The following SLC6A3 variants were observed in gnomAD, a reference collection of about 807,000 sequenced individuals.
SLC6A3 encodes the protein sodium-dependent dopamine transporter.
In SLC6A3, 19 loss-of-function variants were observed where a neutral mutation model predicts 70.4. That is an observed-to-expected ratio of 0.27 (90% CI 0.19 to 0.40). The LOEUF (loss-of-function observed/expected upper bound fraction) is 0.40. SLC6A3 is among the 10% of genes least tolerant of loss of function. The pLI is 1.00. For missense variants in SLC6A3, 613 were observed against 838.5 expected (o/e 0.73, Z 3.32); for synonymous variants, 368 against 356.6 (o/e 1.03, Z -0.36).
chr5:1,414,915 G>A (rs772143996), intron 7 of SLC6A3, 100 bp from the exon 8 acceptor site: 620 of 1,519,200 alleles, frequency 4.1e-4, no homozygotes, highest in Middle Eastern at 5.2e-4. Flanking sequence ...GGAAGGGGGC[G>A]GGAGGTCTTC....
chr5:1,425,881 G>A (rs1182531441), intron 4 of SLC6A3, among the ~76,000 whole-genome samples: 1 of 152,114 alleles, frequency 6.6e-6, no homozygotes, highest in Non-Finnish European at 1.5e-5. Context: ...CTCCAAAGAT[G>A]GTATACAAAT....
rs1756221322 is a variant in SLC6A3, at chr5:1,414,491, T to TGGGTGGGGGGGCCGGGAGGGG, written c.1156+199_1156+200insCCCCTCCCGGCCCCCCCACCC. 2.4e-4 allele frequency among the ~76,000 whole-genome samples: 7 copies of TGGGTGGGGGGGCCGGGAGGGG among 28,858 alleles called. 2 individuals carry two copies. Among genetic ancestry groups the TGGGTGGGGGGGCCGGGAGGGG allele is most frequent in the Non-Finnish European group, 3.9e-4 (6 of 15,320 alleles). The allele number at this position is 28,858 out of a possible 152,430, so 18.9% of individuals were successfully genotyped here. ...GGCGCTGGGTGGGGGGCCTGGAGGG[T>TGGGTGGGGGGGCCGGGAGGGG]CAGGGCGGGGAAGGCGCTGGGTGGG... On this transcript the variant is annotated intron_variant, in intron 8 of 14. Transcript: ENST00000270349.
intron 11 of SLC6A3, among the ~76,000 whole-genome samples, chr5:1,407,732 G>T (rs1337756916): frequency 6.6e-6 from 1 of 152,224 alleles, no homozygotes; most frequent in Admixed American, 6.5e-5. Context: ...AGATGACAAT[G>T]AAAGTGATAG....
rs1191606519 is a variant in SLC6A3 at position 1,408,320 on chromosome 5, G to C, written c.1498+706C>G. ...GCCTCCCAAAGTGCTGGGATTACAG[G>C]CGTGAGTCACCGCGCCCGGACCACA... On this transcript the variant is annotated intron_variant, in intron 11 of 14. Transcript: ENST00000270349. This position sits in a 1 kb window ranked among gnomAD's most constrained non-coding sequence, Gnocchi z 6.4. Among the ~76,000 whole-genome samples the C allele has an allele frequency of 6.6e-6, 1 of 151,748 alleles. No homozygotes were observed. Among genetic ancestry groups the C allele is most frequent in the African/African-American group, 2.4e-5 (1 of 41,262 alleles).
Position 1,438,037 on chromosome 5 carries a change from A to G in SLC6A3, c.418+3322T>C, listed in dbSNP as rs1218500134. Among the ~76,000 whole-genome samples the G allele has an allele frequency of 6.6e-6, 1 of 152,248 alleles. No homozygotes were observed. The highest frequency in any genetic ancestry group is 6.5e-5 in the Admixed American group (1 of 15,294). On this transcript the variant is annotated intron_variant, in intron 3 of 14. Coordinates refer to ENST00000270349, the MANE Select transcript of SLC6A3 (RefSeq NM_001044.5). This position sits in a 1 kb window ranked among gnomAD's most constrained non-coding sequence, Gnocchi z 6.5. ...TCTAAACTGGCATCCTGCGCTTGAC[A>G]GGTAGGCAGAACAAACGGGACGCTG... is the stretch of plus-strand genomic sequence containing the variant.
At position 1,409,915 on chromosome 5, in the gene SLC6A3, C is replaced by T. The variant is rs1294759541; in HGVS notation, c.1270-66G>A. 4.4e-6 allele frequency: 7 copies of T among 1,602,692 alleles called. No individual in the cohort carries two copies. The Admixed American group carries it at 5.0e-5, about 11-fold the overall frequency. ...CTCCTGACCGCAGCCTGGGCCAAGACCTACTTGTCACCCAGTGGACGCACA... is the reference window on the plus strand; with the variant it reads ...CTCCTGACCGCAGCCTGGGCCAAGATCTACTTGTCACCCAGTGGACGCACA... On this transcript the variant is annotated intron_variant, in intron 9 of 14. Transcript: ENST00000270349.
At chr5:1,420,413 G>A (rs1363769782) in intron 6 of SLC6A3, among the ~76,000 whole-genome samples, 156 bp downstream of exon 6, 1 of 152,216 alleles carries the variant, frequency 6.6e-6, no homozygotes, top group Non-Finnish European at 1.5e-5. Flanking sequence ...TAGATGACTC[G>A]TGCTGTATCA....
Position 1,409,139 on chromosome 5 carries a change from G to A in SLC6A3, c.1399-14C>T. On this transcript the variant is annotated splice_polypyrimidine_tract_variant and intron_variant, in intron 10 of 14. Transcript: ENST00000270349. ...GTAGATGCCACCCTGGAAGAGAGGG[G>A]AGCCTGTGGACCTACAGAAGGGCTT... 6.3e-7 allele frequency: 1 copy of A among 1,584,426 alleles called. No individual in the cohort carries two copies. Among genetic ancestry groups the A allele is most frequent in the Non-Finnish European group, 8.6e-7 (1 of 1,160,306 alleles).
In SLC6A3 at chr5:1,441,704, T is replaced by C. The variant is rs1168865047; in HGVS notation, c.287-214A>G. 1.6e-3 allele frequency among the ~76,000 whole-genome samples: 246 copies of C among 152,282 alleles called. 1 individual carries two copies. Among genetic ancestry groups the C allele is most frequent in the African/African-American group, 5.7e-3 (237 of 41,582 alleles). ...GACACGTCCCTCCTGGATCCCCTTG[T>C]CATTGCGCACCTCGAGCCATGAAGT... On this transcript the variant is annotated intron_variant, in intron 2 of 14. Transcript: ENST00000270349.
chr5:1,437,875 C>T lies in SLC6A3; in HGVS notation c.418+3484G>A, dbSNP rs142199704. On this transcript the variant is annotated intron_variant, in intron 3 of 14. Coordinates refer to ENST00000270349, the MANE Select transcript of SLC6A3 (RefSeq NM_001044.5). This position sits in a 1 kb window ranked among gnomAD's most constrained non-coding sequence, Gnocchi z 4.8. Reference sequence around the variant, plus strand: ...CTTTAGCTGATGTCTTAATTTACCACGTGGCACTTCTATTCAATGAGACAT... The same window carrying T: ...CTTTAGCTGATGTCTTAATTTACCATGTGGCACTTCTATTCAATGAGACAT... Among the ~76,000 whole-genome samples the T allele has an allele frequency of 2.0e-5, 3 of 152,198 alleles. No individual in the cohort carries two copies. Among genetic ancestry groups the T allele is most frequent in the Admixed American group, 2.0e-4 (3 of 15,288 alleles).
At chr5:1,429,335 A>C (rs1383486070) in intron 4 of SLC6A3, among the ~76,000 whole-genome samples, 2 of 152,144 alleles carry the variant, frequency 1.3e-5, no homozygotes, top group Non-Finnish European at 2.9e-5. Flanking sequence ...AATTGATCTT[A>C]AACCTTCTCC....
Position 1,421,862 on chromosome 5 carries a change from C to A in SLC6A3, c.792+14G>T. ...CCATGTCTACAGGCCCAATTGGTGA[C>A]CCCCGAGCCTCACCTTCCCTGAGGT... is the stretch of plus-strand genomic sequence containing the variant. On this transcript the variant is annotated intron_variant, in intron 5 of 14. Transcript: ENST00000270349. The surrounding 1 kb of genome is among the most constrained non-coding windows in gnomAD (Gnocchi z 7.2). 2 of 1,612,826 alleles carry A rather than the reference C, an allele frequency of 1.2e-6. No individual in the cohort carries two copies. Among genetic ancestry groups the A allele is most frequent in the Non-Finnish European group, 1.7e-6 (2 of 1,179,782 alleles).
In SLC6A3 at chr5:1,393,594, ATGCGTCCTGGGG is replaced by A. The variant is rs1288351237; in HGVS notation, c.*1129_*1140del. 26 of 153,940 alleles carry A rather than the reference ATGCGTCCTGGGG, an allele frequency of 1.7e-4. No individual in the cohort carries two copies. The highest frequency in any genetic ancestry group is 6.0e-4 in the African/African-American group (25 of 41,428). The allele number at this position is 153,940 out of a possible 1,614,324, so 9.5% of individuals were successfully genotyped here. ...CAGGCTGCCTGCATGGGGGCCCTGCATGCGTCCTGGGGTAGTACACGCTCCTGTGGGGGCCCT... is the reference window on the plus strand; with the variant it reads ...CAGGCTGCCTGCATGGGGGCCCTGCATAGTACACGCTCCTGTGGGGGCCCT... On this transcript the variant is annotated 3_prime_UTR_variant, in exon 15 of 15. Transcript: ENST00000270349.
In SLC6A3 at chr5:1,405,553, T is replaced by A. The variant is rs1755951934; in HGVS notation, c.1599+635A>T. Among the ~76,000 whole-genome samples the A allele has an allele frequency of 6.6e-6, 1 of 152,258 alleles. No individual in the cohort carries two copies. The highest frequency in any genetic ancestry group is 2.4e-5 in the African/African-American group (1 of 41,472). ...CCCAGATCAGGCAGCACAGCTTTGC[T>A]TTGTGAGCCTCCAGGCCTCTGTGGT... On this transcript the variant is annotated intron_variant, in intron 12 of 14. Transcript: ENST00000270349. This position sits in a 1 kb window ranked among gnomAD's most constrained non-coding sequence, Gnocchi z 5.3.
intron 4 of SLC6A3, among the ~76,000 whole-genome samples, chr5:1,431,950 G>A (rs1756715928): frequency 1.3e-5 from 2 of 152,218 alleles, no homozygotes; most frequent in South Asian, 2.1e-4. Flanking sequence ...CTGGAGACAG[G>A]GGCTGCCTAC....
intron 8 of SLC6A3, among the ~76,000 whole-genome samples, chr5:1,412,227 C>A (rs1316459949): frequency 1.3e-5 from 2 of 152,238 alleles, no homozygotes; most frequent in Non-Finnish European, 2.9e-5. Context: ...CGGGTCCCTG[C>A]GAGTGAAGCT....
At position 1,442,287 on chromosome 5, in the gene SLC6A3, C is replaced by T. The variant is rs1238414560; in HGVS notation, c.286+625G>A. On this transcript the variant is annotated intron_variant, in intron 2 of 14. Transcript: ENST00000270349. This position sits in a 1 kb window ranked among gnomAD's most constrained non-coding sequence, Gnocchi z 5.0. ...TCCTCGCAGGCATCCTGTGAGGCTTCCCCCCAGATTCTTCCCCAGGCCTCC... is the reference window on the plus strand; with the variant it reads ...TCCTCGCAGGCATCCTGTGAGGCTTTCCCCCAGATTCTTCCCCAGGCCTCC... Among the ~76,000 whole-genome samples, 1 of 152,154 alleles carries T rather than the reference C, an allele frequency of 6.6e-6. No homozygotes were observed. Among genetic ancestry groups the T allele is most frequent in the Non-Finnish European group, 1.5e-5 (1 of 68,010 alleles).
At chr5:1,419,015 C>A (rs931986134) in intron 6 of SLC6A3, among the ~76,000 whole-genome samples, 1 of 150,696 alleles carries the variant, frequency 6.6e-6, no homozygotes, top group Non-Finnish European at 1.5e-5. Context: ...CATCATCCAG[C>A]AATCCACCCA....
rs431905514 is a variant in SLC6A3 at position 1,416,097 on chromosome 5, C to T, written c.1031+1G>A. ...CCTGCCTGGCCCTGCTAGGGGCTCACCTGTAGCAGTTGTTGGTGAACTTGT... is the reference window on the plus strand; with the variant it reads ...CCTGCCTGGCCCTGCTAGGGGCTCATCTGTAGCAGTTGTTGGTGAACTTGT... On this transcript the variant is annotated splice_donor_variant, in intron 7 of 14. Transcript: ENST00000270349. LOFTEE classifies it high-confidence loss of function. The T allele has an allele frequency of 1.2e-6, 2 of 1,612,664 alleles. No homozygotes were observed.
Sources: allele counts gnomAD v4.1 joint callset (sites outside exome capture counted in the v4.1 genomes callset), GRCh38; gene constraint gnomAD v4.1.1; non-coding constraint Gnocchi (gnomAD v3.1); transcripts MANE v1.5; gene names NCBI Gene and HGNC (gene_info 2026-07-23, HGNC 2026-07-21).